The following SLC35F1 variants were observed in gnomAD, a reference collection of about 807,000 sequenced individuals.
The protein encoded by SLC35F1 is solute carrier family 35 member F1.
A neutral mutation model predicts 48.7 loss-of-function variants in SLC35F1; 14 were observed. The ratio of observed to expected loss-of-function variants is 0.29; its 90% confidence interval spans 0.19 to 0.45. The LOEUF (loss-of-function observed/expected upper bound fraction) is 0.45. SLC35F1 is among the 20% of genes least tolerant of loss of function. The pLI is 1.00. For synonymous variants in SLC35F1, 190 were observed against 202.2 expected (o/e 0.94, Z 0.51); for missense variants, 404 against 500.0 (o/e 0.81, Z 1.83).
At chr6:117,988,057 C>T (rs1029275990) in intron 1 of SLC35F1, among the ~76,000 whole-genome samples, 2 of 152,056 alleles carry the variant, frequency 1.3e-5, no homozygotes, top group Non-Finnish European at 2.9e-5. Flanking sequence ...CACTCCAAAC[C>T]TACACTCTTT....
intron 2 of SLC35F1, among the ~76,000 whole-genome samples, chr6:118,196,325 T>C (rs1313515025): frequency 6.6e-6 from 1 of 152,236 alleles, no homozygotes; most frequent in African/African-American, 2.4e-5. Context: ...ATGATTTGAA[T>C]ATAGACGTAC....
At chr6:118,085,801 A>ACTTTCTAT (rs1420716597) in intron 1 of SLC35F1, among the ~76,000 whole-genome samples, 23 of 152,086 alleles carry the variant, frequency 1.5e-4, no homozygotes, top group Admixed American at 2.6e-4. Context: ...TGAGTTACAA[A>ACTTTCTAT]CTTGTGGAAA....
In SLC35F1 at chr6:118,267,021, C is replaced by A. The variant is rs771686232; in HGVS notation, c.504C>A (p.Val168=). 1.9e-6 allele frequency: 3 copies of A among 1,613,946 alleles called. No homozygotes were observed. The highest frequency in any genetic ancestry group is 1.7e-6 in the Non-Finnish European group (2 of 1,179,908). ...TCCTGGACTGTTTTGTGATCCCAGT[C>A]GTGATTTTGCTCTCCTGGTTCTTCC... is the stretch of plus-strand genomic sequence containing the variant. ...IQLLDCFVIP[V]VILLSWFFLL... The change falls in exon 4 of 8, where the codon GTC becomes GTA. Residue 168 remains valine (V), a synonymous_variant. Transcript: ENST00000360388.
chr6:118,219,241 A>T (rs1775115111), intron 2 of SLC35F1, among the ~76,000 whole-genome samples: 1 of 152,230 alleles, frequency 6.6e-6, no homozygotes, highest in Non-Finnish European at 1.5e-5. Context: ...GATCTATATC[A>T]TGTATGTTTC....
intron 1 of SLC35F1, among the ~76,000 whole-genome samples, chr6:118,055,496 G>A (rs1182828248): frequency 6.6e-6 from 1 of 152,142 alleles, no homozygotes; most frequent in Non-Finnish European, 1.5e-5. Flanking sequence ...TATTTTTAAA[G>A]TGGCAAATTA....
intron 1 of SLC35F1, among the ~76,000 whole-genome samples, chr6:118,081,950 T>C (rs1345857203): frequency 6.6e-6 from 1 of 152,228 alleles, no homozygotes; most frequent in Non-Finnish European, 1.5e-5. Context: ...ATAAAAACTT[T>C]TAAAGACCCA....
intron 3 of SLC35F1, among the ~76,000 whole-genome samples, chr6:118,236,537 A>G (rs1156470069): frequency 6.6e-6 from 1 of 152,232 alleles, no homozygotes; most frequent in Non-Finnish European, 1.5e-5. Flanking sequence ...AAAGCACTTG[A>G]AAAAATTAGA....
At chr6:117,929,491 A>G (rs1420177665) in intron 1 of SLC35F1, among the ~76,000 whole-genome samples, 2 of 126,162 alleles carry the variant, frequency 1.6e-5, no homozygotes. Flanking sequence ...GTGTGTGTAT[A>G]GAGAGAGAGA....
intron 2 of SLC35F1, among the ~76,000 whole-genome samples, chr6:118,211,452 C>T (rs1774999911): frequency 6.6e-6 from 1 of 152,196 alleles, no homozygotes; most frequent in African/African-American, 2.4e-5. Flanking sequence ...AAATGATTAT[C>T]ATGTGCATAC....
chr6:118,305,705 TATATA>T (rs1264174245), intron 7 of SLC35F1, among the ~76,000 whole-genome samples: 1 of 152,198 alleles, frequency 6.6e-6, no homozygotes, highest in Non-Finnish European at 1.5e-5. Flanking sequence ...TATCTTGTGT[TATATA>T]ATAAAGAGAC....
intron 2 of SLC35F1, among the ~76,000 whole-genome samples, chr6:118,192,098 C>T (rs1245658617): frequency 6.6e-6 from 1 of 152,092 alleles, no homozygotes; most frequent in Non-Finnish European, 1.5e-5. Context: ...CTCTTGAATA[C>T]GAGTTGTTAT....
chr6:118,188,581 T>C (rs1379299838), intron 2 of SLC35F1, among the ~76,000 whole-genome samples: 1 of 151,904 alleles, frequency 6.6e-6, no homozygotes, highest in Non-Finnish European at 1.5e-5. Context: ...ACTATACTTC[T>C]GGTTGAAATC....
At chr6:118,161,321 A>G (rs1423708531) in intron 2 of SLC35F1, among the ~76,000 whole-genome samples, 2 of 151,706 alleles carry the variant, frequency 1.3e-5, no homozygotes, top group African/African-American at 4.8e-5. Context: ...AAAAGCAGTG[A>G]AAGAATTAAA....
intron 3 of SLC35F1, among the ~76,000 whole-genome samples, chr6:118,251,933 G>A (rs779506291): frequency 4.6e-5 from 7 of 152,088 alleles, no homozygotes; most frequent in Admixed American, 6.6e-5. Flanking sequence ...ATTAGAATAT[G>A]TGGGAGTAAA....
At chr6:118,097,570 A>G (rs1195007749) in intron 1 of SLC35F1, among the ~76,000 whole-genome samples, 6 of 152,228 alleles carry the variant, frequency 3.9e-5, no homozygotes, top group Admixed American at 3.3e-4. Flanking sequence ...GTCAGCTGTC[A>G]TGAATGGGAA....
chr6:118,156,814 T>G (rs1234388719), intron 2 of SLC35F1, among the ~76,000 whole-genome samples: 1 of 152,162 alleles, frequency 6.6e-6, no homozygotes, highest in African/African-American at 2.4e-5. Flanking sequence ...TACACTGTAT[T>G]TAGTCTTTGA....
intron 1 of SLC35F1, among the ~76,000 whole-genome samples, chr6:117,963,097 A>G (rs1776518785): frequency 2.6e-5 from 4 of 152,264 alleles, no homozygotes. Context: ...TCCGTGATTT[A>G]TCTACTTCCA....
In SLC35F1 at chr6:118,032,746, A is replaced by G. The variant is rs141033642; in HGVS notation, c.174-121699A>G. ...TTTCCTTAGCCTGTAATTTGTCATC[A>G]TGCTCTCCTGTAACCTAGAAAAGCT... On this transcript the variant is annotated intron_variant, in intron 1 of 7. Coordinates refer to ENST00000360388, the MANE Select transcript of SLC35F1 (RefSeq NM_001029858.4). Among the ~76,000 whole-genome samples the G allele has an allele frequency of 3.8e-4, 58 of 152,302 alleles. 1 individual carries two copies. The East Asian group carries it at 0.011, about 28-fold the overall frequency.
chr6:118,290,205 A>G (rs1458677431), intron 7 of SLC35F1, among the ~76,000 whole-genome samples: 1 of 149,996 alleles, frequency 6.7e-6, no homozygotes, highest in African/African-American at 2.5e-5. Context: ...CCAATATTTC[A>G]GTGTTTTTTT....
Sources: allele counts gnomAD v4.1 joint callset (sites outside exome capture counted in the v4.1 genomes callset), GRCh38; gene constraint gnomAD v4.1.1; transcripts MANE v1.5; gene names NCBI Gene and HGNC (gene_info 2026-07-23, HGNC 2026-07-21).